ITPRID2: variants seen among roughly 807,000 people sequenced by gnomAD.
ITPRID2 encodes protein ITPRID2.
Under a neutral mutation model 124.3 loss-of-function variants are expected in ITPRID2, and 60 were observed. The observed-to-expected ratio is 0.48, with a 90% CI of 0.39 to 0.60. The LOEUF is 0.60. ITPRID2 is among the 20% of genes least tolerant of loss of function. The pLI is 0.00. For synonymous variants in ITPRID2, 521 were observed against 542.9 expected (o/e 0.96, Z 0.56); for missense variants, 1,553 against 1,512.2 (o/e 1.03, Z -0.45).
At chr2:181,900,984 A>G (rs1692622100) in intron 7 of ITPRID2, 80 bp downstream of exon 7, 1 of 1,092,246 alleles carries the variant, frequency 9.2e-7, no homozygotes, top group African/African-American at 1.6e-5. Context: ...TAAAGCCTTA[A>G]TTTTCAGGAA....
chr2:181,903,768 T>G (rs1241303835), intron 8 of ITPRID2, among the ~76,000 whole-genome samples: 4 of 152,238 alleles, frequency 2.6e-5, no homozygotes, highest in Non-Finnish European at 5.9e-5. Flanking sequence ...GTAATGAGTA[T>G]GGAAGATGAC....
chr2:181,924,079 T>C (rs947520847), intron 16 of ITPRID2, among the ~76,000 whole-genome samples: 2 of 152,222 alleles, frequency 1.3e-5, no homozygotes, highest in African/African-American at 2.4e-5. Context: ...AACCATTAAT[T>C]AGAAACTACT....
chr2:181,919,556 A>G lies in ITPRID2; in HGVS notation c.3144+110A>G. 8.1e-7 allele frequency: 1 copy of G among 1,231,122 alleles called. No individual in the cohort carries two copies. The highest frequency in any genetic ancestry group is 1.1e-6 in the Non-Finnish European group (1 of 912,220). The allele number at this position is 1,231,122 out of a possible 1,614,324, so 76.3% of individuals were successfully genotyped here. ...AAGTCATTTATTTTAATGGTATTAA[A>G]AGCATGCATACTGTTTAAGGAGCTT... On this transcript the variant is annotated intron_variant, in intron 14 of 17. Transcript: ENST00000431877. The surrounding 1 kb of genome is among the most constrained non-coding windows in gnomAD (Gnocchi z 4.2).
rs1574183664 is a variant in ITPRID2 at position 181,892,609 on chromosome 2, C to T, written c.212-6C>T. The T allele has an allele frequency of 2.5e-6, 4 of 1,614,112 alleles. No homozygotes were observed. The highest frequency in any genetic ancestry group is 3.4e-6 in the Non-Finnish European group (4 of 1,180,002). ...GTAACGTGCTGTCCCCTCTCTCTAC[C>T]CCCAGGAAACGTGCCCAACGAGAAG... On this transcript the variant is annotated splice_polypyrimidine_tract_variant and splice_region_variant and intron_variant, in intron 1 of 17. Transcript: ENST00000431877. The surrounding 1 kb of genome is among the most constrained non-coding windows in gnomAD (Gnocchi z 5.2).
At chr2:181,928,976 A>G (rs1695077903) in intron 17 of ITPRID2, among the ~76,000 whole-genome samples, 1 of 152,138 alleles carries the variant, frequency 6.6e-6, no homozygotes, top group South Asian at 2.1e-4. Flanking sequence ...TATCTTTTAA[A>G]GAAACATATC....
chr2:181,922,448 G>A (rs762679972), intron 16 of ITPRID2, 36 bp downstream of exon 16: 1 of 1,520,446 alleles, frequency 6.6e-7, no homozygotes, highest in South Asian at 1.3e-5. Context: ...TTTATTTGGA[G>A]GTATATGTTA....
At chr2:181,900,529 G>A (rs1419730925) in intron 6 of ITPRID2, among the ~76,000 whole-genome samples, 167 bp from the exon 7 acceptor site, 4 of 152,156 alleles carry the variant, frequency 2.6e-5, no homozygotes, top group Non-Finnish European at 4.4e-5. Context: ...TTATTCCCCA[G>A]TACACATGTG....
intron 9 of ITPRID2, among the ~76,000 whole-genome samples, chr2:181,911,885 C>G (rs1209196798): frequency 1.3e-5 from 2 of 152,164 alleles, no homozygotes; most frequent in Admixed American, 1.3e-4. Flanking sequence ...GAACCCAGGC[C>G]TCCTTGTTTT....
At chr2:181,912,074 A>G (rs1018664850) in intron 9 of ITPRID2, among the ~76,000 whole-genome samples, 7 of 152,180 alleles carry the variant, frequency 4.6e-5, no homozygotes, top group Admixed American at 4.6e-4. Context: ...TCTTCCCTGC[A>G]CTCAGGCACC....
In ITPRID2 at chr2:181,892,884, T is replaced by C. The variant is rs956116701; in HGVS notation, c.257+224T>C. The C allele has an allele frequency of 1.7e-5, 10 of 593,868 alleles. No individual in the cohort carries two copies. Among genetic ancestry groups the C allele is most frequent in the Admixed American group, 5.8e-5 (2 of 34,286 alleles). 36.8% of individuals were successfully genotyped at this position (593,868 alleles called of 1,614,324 possible). On this transcript the variant is annotated intron_variant, in intron 2 of 17. Transcript: ENST00000431877. The surrounding 1 kb of genome is among the most constrained non-coding windows in gnomAD (Gnocchi z 5.2). ...TTGACTTTACAGTTAGGACTTGAGCTACTCACGCATCGTGTTAGCATCAGA... is the reference window on the plus strand; with the variant it reads ...TTGACTTTACAGTTAGGACTTGAGCCACTCACGCATCGTGTTAGCATCAGA...
In ITPRID2 at chr2:181,902,003, C is replaced by T. The variant is rs1189452707; in HGVS notation, c.950C>T (p.Pro317Leu). The T allele has an allele frequency of 3.7e-6, 6 of 1,613,452 alleles. No individual in the cohort carries two copies. Among genetic ancestry groups the T allele is most frequent in the Non-Finnish European group, 5.1e-6 (6 of 1,179,752 alleles). The change falls in exon 8 of 18, where the codon CCT becomes CTT. Residue 317 changes from proline (P) to leucine (L), a missense_variant. Pro to Leu is a moderately conservative substitution (Grantham distance 98). Transcript: ENST00000431877. This position sits in a 1 kb window ranked among gnomAD's most constrained non-coding sequence, Gnocchi z 4.4. ...DKTEKGESSSPSPSAEKGKIL... is the reference protein window; with the variant it reads ...DKTEKGESSSLSPSAEKGKIL... ...ACAGAGAAAGGAGAAAGTAGTAGTC[C>T]TTCTCCATCAGCTGAAAAAGGAAAG...
At chr2:181,917,579 CTT>C (rs1488490118) in intron 11 of ITPRID2, 18 of 152,322 alleles carry the variant, frequency 1.2e-4, no homozygotes, top group Admixed American at 1.1e-3. Flanking sequence ...GCTGTGGTCT[CTT>C]TCTCCTGGAT....
chr2:181,906,616 T>C (rs1001983130), intron 8 of ITPRID2, among the ~76,000 whole-genome samples: 1 of 152,020 alleles, frequency 6.6e-6, no homozygotes, highest in African/African-American at 2.4e-5. Context: ...GGTGCATGTC[T>C]GTAGTCCCAC....
chr2:181,896,108 T>C lies in ITPRID2; in HGVS notation c.307+29T>C, dbSNP rs1692176497. The C allele has an allele frequency of 6.3e-7, 1 of 1,594,222 alleles. No homozygotes were observed. The highest frequency in any genetic ancestry group is 8.6e-7 in the Non-Finnish European group (1 of 1,162,338). On this transcript the variant is annotated intron_variant, in intron 3 of 17. Coordinates refer to ENST00000431877, the MANE Select transcript of ITPRID2 (RefSeq NM_001130445.3). The surrounding 1 kb of genome is among the most constrained non-coding windows in gnomAD (Gnocchi z 4.3). ...AGAGAAGGTTGCCTTTCTAAATCTG[T>C]TCTTTATGACAGTTCTACTTCTTTG...
At position 181,916,155 on chromosome 2, in the gene ITPRID2, A is replaced by T. The variant is rs148871198; in HGVS notation, c.2515A>T (p.Met839Leu). 1 of 1,614,206 alleles carries T rather than the reference A, an allele frequency of 6.2e-7. No homozygotes were observed. Among genetic ancestry groups the T allele is most frequent in the Admixed American group, 1.7e-5 (1 of 60,026 alleles). Residue 839 changes from methionine (M) to leucine (L), a missense_variant, in exon 11 of 18, where the codon ATG becomes TTG. Physicochemically the swap from Met to Leu is conservative, Grantham distance 15 (BLOSUM62 2). Coordinates refer to ENST00000431877, the MANE Select transcript of ITPRID2 (RefSeq NM_001130445.3). Reference protein sequence around the residue: ...PTCSRLAPPPMSQSTCSLHSI... With the variant: ...PTCSRLAPPPLSQSTCSLHSI... ...CTGTTCACGGCTTGCTCCACCACCA[A>T]TGTCTCAGTCTACCTGTTCCCTTCA...
At chr2:181,917,465 G>C (rs1397108984) in intron 11 of ITPRID2, 3 of 152,210 alleles carry the variant, frequency 2.0e-5, no homozygotes, top group Admixed American at 2.0e-4. Context: ...AGTTCTGTCT[G>C]TGATGGAACT....
chr2:181,920,759 A>G lies in ITPRID2; in HGVS notation c.3210+97A>G, dbSNP rs1009005928. ...TTAGATGAAATATATGTTTATTTTA[A>G]ATACATAATTTGATAAATTATTGTT... On this transcript the variant is annotated intron_variant, in intron 15 of 17. Transcript: ENST00000431877. 24 of 906,182 alleles carry G rather than the reference A, an allele frequency of 2.6e-5. No individual in the cohort carries two copies. In the African/African-American group the frequency reaches 3.9e-4, roughly 15 times the overall value. 56.1% of individuals were successfully genotyped at this position (906,182 alleles called of 1,614,324 possible).
chr2:181,925,458 C>T (rs990118022), intron 16 of ITPRID2, among the ~76,000 whole-genome samples: 5 of 152,126 alleles, frequency 3.3e-5, no homozygotes, highest in South Asian at 2.1e-4. Context: ...ATTATTTGTC[C>T]ATGCATTTAT....
intron 17 of ITPRID2, 141 bp downstream of exon 17, chr2:181,928,419 G>A: frequency 2.0e-6 from 1 of 499,720 alleles, no homozygotes; most frequent in Non-Finnish European, 3.5e-6. Context: ...TTTACAATGT[G>A]AAAATTTCAC....
Sources: allele counts gnomAD v4.1 joint callset (sites outside exome capture counted in the v4.1 genomes callset), GRCh38; gene constraint gnomAD v4.1.1; non-coding constraint Gnocchi (gnomAD v3.1); transcripts MANE v1.5; gene names NCBI Gene and HGNC (gene_info 2026-07-23, HGNC 2026-07-21).